Variants in EFCAB6 observed in about 807,000 individuals in gnomAD.
The protein encoded by EFCAB6 is EF-hand calcium binding domain 6.
A neutral mutation model predicts 169.8 loss-of-function variants in EFCAB6; 156 were observed. That is an observed-to-expected ratio of 0.92 (90% CI 0.81 to 1.05). The LOEUF (loss-of-function observed/expected upper bound fraction) is 1.05. EFCAB6 is among the 50% of genes least tolerant of loss of function. EFCAB6 has a pLI of 0.00. For missense variants in EFCAB6, 1,800 were observed against 1,829.1 expected (o/e 0.98, Z 0.29); for synonymous variants, 698 against 676.4 (o/e 1.03, Z -0.50).
At chr22:43,680,824 TTA>T (rs1414071717) in intron 12 of EFCAB6, among the ~76,000 whole-genome samples, 3 of 152,262 alleles carry the variant, frequency 2.0e-5, no homozygotes, top group Admixed American at 2.0e-4. Context: ...ATAAATTCAT[TTA>T]TTAGTTCTAG....
intron 8 of EFCAB6, among the ~76,000 whole-genome samples, chr22:43,718,229 T>C (rs1435552477): frequency 6.6e-6 from 1 of 152,202 alleles, no homozygotes; most frequent in Non-Finnish European, 1.5e-5. Context: ...ATTATTTTTA[T>C]AATAAAAGAG....
At chr22:43,806,312 C>A (rs1344285027) in intron 2 of EFCAB6, among the ~76,000 whole-genome samples, 1 of 150,816 alleles carries the variant, frequency 6.6e-6, no homozygotes, top group Non-Finnish European at 1.5e-5. Flanking sequence ...TGCAGTGGTG[C>A]AATCTTGGCT....
chr22:43,709,918 G>A (rs2059098618), intron 10 of EFCAB6, among the ~76,000 whole-genome samples: 3 of 152,184 alleles, frequency 2.0e-5, no homozygotes, highest in South Asian at 4.1e-4. Flanking sequence ...GACATATAGG[G>A]AGCTGGCAAG....
At chr22:43,739,284 G>A (rs2060280629) in intron 6 of EFCAB6, among the ~76,000 whole-genome samples, 1 of 152,136 alleles carries the variant, frequency 6.6e-6, no homozygotes, top group Admixed American at 6.5e-5. Context: ...CAGCTGCTTG[G>A]CCCTTCTTCC....
Position 43,635,235 on chromosome 22 carries a change from GA to G in EFCAB6, c.1984-20del. 6.3e-7 allele frequency: 1 copy of G among 1,588,298 alleles called. No individual in the cohort carries two copies. Among genetic ancestry groups the G allele is most frequent in the Non-Finnish European group, 8.6e-7 (1 of 1,156,518 alleles). On this transcript the variant is annotated intron_variant, in intron 17 of 31. Coordinates refer to ENST00000262726, the MANE Select transcript of EFCAB6 (RefSeq NM_022785.4). ...CCAGTACCTGACGAGGGAGACAGGG[GA>G]GGGTGGAGAGGCGTTAGGTGGTCCG...
In EFCAB6 at chr22:43,590,283, C is replaced by T. The variant is rs2051389365; in HGVS notation, c.2877-54G>A. The T allele has an allele frequency of 2.5e-6, 4 of 1,577,400 alleles. No individual in the cohort carries two copies. The South Asian group carries it at 4.8e-5, about 19-fold the overall frequency. On this transcript the variant is annotated intron_variant, in intron 23 of 31. Coordinates refer to ENST00000262726, the MANE Select transcript of EFCAB6 (RefSeq NM_022785.4). ...CTAAAATCAGGAAAACAAATAACTC[C>T]TTTAAAGCAAACACTGCATGATTAT...
Position 43,566,127 on chromosome 22 carries a change from G to A in EFCAB6, c.3420+10170C>T, listed in dbSNP as rs550380136. ...GATCAAGAAACGGACGCTGGCCTCCGAAGGGCTCAGCACATGCCTGAGGGG... is the reference window on the plus strand; with the variant it reads ...GATCAAGAAACGGACGCTGGCCTCCAAAGGGCTCAGCACATGCCTGAGGGG... On this transcript the variant is annotated intron_variant, in intron 26 of 31. Coordinates refer to ENST00000262726, the MANE Select transcript of EFCAB6 (RefSeq NM_022785.4). Among the ~76,000 whole-genome samples, 6 of 152,286 alleles carry A rather than the reference G, an allele frequency of 3.9e-5. No homozygotes were observed. The East Asian group carries it at 5.8e-4, about 15-fold the overall frequency.
At position 43,783,256 on chromosome 22, in the gene EFCAB6, T is replaced by C. The variant is rs1429011997; in HGVS notation, c.-7-931A>G. Among the ~76,000 whole-genome samples, 4 of 152,280 alleles carry C rather than the reference T, an allele frequency of 2.6e-5. No individual in the cohort carries two copies. In the East Asian group the frequency reaches 5.8e-4, roughly 22 times the overall value. On this transcript the variant is annotated intron_variant, in intron 2 of 31. Transcript: ENST00000262726. Reference sequence around the variant, plus strand: ...AATAGGTGGATAACGGGGCAAATAATAGGCAACCAAAAAGCTTCAAGGGAA... The same window carrying C: ...AATAGGTGGATAACGGGGCAAATAACAGGCAACCAAAAAGCTTCAAGGGAA...
chr22:43,763,911 T>A (rs995727349), intron 5 of EFCAB6, among the ~76,000 whole-genome samples: 1 of 151,636 alleles, frequency 6.6e-6, no homozygotes, highest in Non-Finnish European at 1.5e-5. Context: ...ACCTGGGGCA[T>A]GCCACCATGC....
At chr22:43,741,884 A>G (rs1458286335) in intron 6 of EFCAB6, among the ~76,000 whole-genome samples, 1 of 152,134 alleles carries the variant, frequency 6.6e-6, no homozygotes, top group Non-Finnish European at 1.5e-5. Flanking sequence ...CCCTGGGGGC[A>G]GGGGAGACCT....
chr22:43,755,105 TG>T (rs2060907452), intron 6 of EFCAB6, among the ~76,000 whole-genome samples: 1 of 152,188 alleles, frequency 6.6e-6, no homozygotes, highest in South Asian at 2.1e-4. Flanking sequence ...AAAGAAAATT[TG>T]TCACATTTCA....
At position 43,608,540 on chromosome 22, in the gene EFCAB6, C is replaced by T. The variant is rs373240227; in HGVS notation, c.2623G>A (p.Ala875Thr). 4.3e-5 allele frequency: 70 copies of T among 1,614,170 alleles called. No individual in the cohort carries two copies. Among genetic ancestry groups the T allele is most frequent in the African/African-American group, 1.7e-4 (13 of 75,042 alleles). ...AGGGGAATATCAAAACCGTACAGTG[C>T]GTTCTTTATGTCCCGGCGTCGAAGA... ...GILRRRDIKN[A>T]LYGFDIPLTP... Residue 875 changes from alanine to threonine, a missense_variant, in exon 22 of 32, where the codon GCA (alanine) becomes ACA (threonine). Coordinates refer to ENST00000262726, the MANE Select transcript of EFCAB6 (RefSeq NM_022785.4).
chr22:43,566,946 C>T (rs978723080), intron 26 of EFCAB6, among the ~76,000 whole-genome samples: 1 of 152,114 alleles, frequency 6.6e-6, no homozygotes, highest in Non-Finnish European at 1.5e-5. Flanking sequence ...AAGTGTGGTG[C>T]CCTCCCAACC....
At chr22:43,580,321 A>T (rs1251109218) in intron 25 of EFCAB6, 143 bp downstream of exon 25, 4 of 787,624 alleles carry the variant, frequency 5.1e-6, no homozygotes, top group Non-Finnish European at 8.0e-6. Context: ...ATACACAACT[A>T]CCCACATAAA....
intron 20 of EFCAB6, among the ~76,000 whole-genome samples, chr22:43,617,042 AC>A (rs2053742045): frequency 6.6e-6 from 1 of 152,166 alleles, no homozygotes; most frequent in Non-Finnish European, 1.5e-5. Context: ...CACCACTGGT[AC>A]TACAACCTCA....
At position 43,782,291 on chromosome 22, in the gene EFCAB6, A is replaced by G; in HGVS notation, c.28T>C (p.Trp10Arg). 1 of 1,613,934 alleles carries G rather than the reference A, an allele frequency of 6.2e-7. No homozygotes were observed. Among genetic ancestry groups the G allele is most frequent in the Non-Finnish European group, 8.5e-7 (1 of 1,179,964 alleles). MCKMAIIPDWLRSHPHTRKF... is the reference protein window; with the variant it reads MCKMAIIPDRLRSHPHTRKF... ...CGTGTGTGAGGATGCGACCTAAGCC[A>G]GTCTGGTATAATCGCCATTTTGCAC... The change falls in exon 3 of 32, where the codon TGG becomes CGG. Residue 10 changes from tryptophan to arginine, a missense_variant. Coordinates refer to ENST00000262726, the MANE Select transcript of EFCAB6 (RefSeq NM_022785.4).
chr22:43,557,944 A>G (rs2048805455), intron 26 of EFCAB6, among the ~76,000 whole-genome samples: 1 of 152,244 alleles, frequency 6.6e-6, no homozygotes, highest in Non-Finnish European at 1.5e-5. Context: ...TATTCCTGAT[A>G]AAATGGTATA....
At chr22:43,580,754 G>C in intron 24 of EFCAB6, 95 bp from the exon 25 acceptor site, 1 of 1,329,526 alleles carries the variant, frequency 7.5e-7, no homozygotes, top group Non-Finnish European at 1.0e-6. Flanking sequence ...GGCAATGTGG[G>C]GAAAATGAAT....
chr22:43,715,252 T>G (rs1354301821), intron 9 of EFCAB6, among the ~76,000 whole-genome samples: 3 of 152,182 alleles, frequency 2.0e-5, no homozygotes, highest in African/African-American at 4.8e-5. Context: ...AGGACAGTGT[T>G]GCAGGGTTAA....
Sources: gnomAD v4.1 joint callset for allele counts (sites outside exome capture counted in the v4.1 genomes callset) on GRCh38, gnomAD v4.1.1 for gene constraint, MANE v1.5 for transcripts, NCBI Gene and HGNC (gene_info 2026-07-23, HGNC 2026-07-21) for gene names.